Variants in KCNH1 observed in about 807,000 individuals in gnomAD.
KCNH1 encodes potassium voltage-gated channel subfamily H member 1.
Under a neutral mutation model 69.2 loss-of-function variants are expected in KCNH1, and 27 were observed. The observed-to-expected ratio is 0.39, with a 90% confidence interval of 0.29 to 0.54. The LOEUF is 0.54. Among genes scored for constraint, KCNH1 ranks in the 20% least tolerant of loss-of-function variants. KCNH1 has a pLI of 0.68. For synonymous variants in KCNH1, 456 were observed against 487.7 expected (o/e 0.93, Z 0.86); for missense variants, 798 against 1,261.6 (o/e 0.63, Z 5.57).
intron 10 of KCNH1, 93 bp from the exon 11 acceptor site, chr1:210,684,231 G>T: frequency 1.5e-6 from 2 of 1,329,630 alleles, no homozygotes; most frequent in Non-Finnish European, 2.0e-6. Context: ...TTGGCCCTCT[G>T]CTTCCAGTCC....
chr1:210,999,393 C>A (rs563368786), intron 6 of KCNH1, among the ~76,000 whole-genome samples: 171 of 152,280 alleles, frequency 1.1e-3, no homozygotes, highest in African/African-American at 4.0e-3. Flanking sequence ...CACCTCTACA[C>A]AAATAAACTA....
intron 5 of KCNH1, among the ~76,000 whole-genome samples, chr1:211,030,651 G>T (rs563763352): frequency 1.1e-4 from 16 of 151,184 alleles, no homozygotes; most frequent in Non-Finnish European, 2.1e-4. Flanking sequence ...AACTAAAAAA[G>T]TTTTTTTTAG....
intron 5 of KCNH1, among the ~76,000 whole-genome samples, chr1:211,020,751 G>A (rs948859147): frequency 1.3e-5 from 2 of 151,666 alleles, no homozygotes; most frequent in African/African-American, 4.8e-5. Flanking sequence ...CAAAACACTA[G>A]CAAACTGAAT....
chr1:210,726,807 CGGCGG>C (rs1682603555), intron 10 of KCNH1, among the ~76,000 whole-genome samples: 1 of 140,596 alleles, frequency 7.1e-6, no homozygotes, highest in African/African-American at 2.8e-5. Context: ...GACAGTTCCC[CGGCGG>C]GGGTGGGGTG....
rs377379545 is a variant in KCNH1, at chr1:210,890,299, T to A, written c.1462+29341A>T. On this transcript the variant is annotated intron_variant, in intron 7 of 10. Transcript: ENST00000271751. Reference sequence around the variant, plus strand: ...ACAAAAACAAGAAATGGGGAAAGGATTCCCTATTTAATAAATGGTGCTGGG... The same window carrying A: ...ACAAAAACAAGAAATGGGGAAAGGAATCCCTATTTAATAAATGGTGCTGGG... Among the ~76,000 whole-genome samples, 13 of 152,284 alleles carry A rather than the reference T, an allele frequency of 8.5e-5. No individual in the cohort carries two copies. The East Asian group carries it at 2.5e-3, about 29-fold the overall frequency.
At chr1:210,840,456 A>C (rs190023434) in intron 7 of KCNH1, among the ~76,000 whole-genome samples, 1 of 152,328 alleles carries the variant, frequency 6.6e-6, no homozygotes, top group Non-Finnish European at 1.5e-5. Context: ...GCTGCTTCGC[A>C]ACAGTTATTT....
At chr1:210,699,446 C>T (rs1681721644) in intron 10 of KCNH1, among the ~76,000 whole-genome samples, 1 of 152,250 alleles carries the variant, frequency 6.6e-6, no homozygotes, top group Admixed American at 6.5e-5. Flanking sequence ...GAGCCCCACT[C>T]TGCCGAGGAG....
intron 7 of KCNH1, among the ~76,000 whole-genome samples, chr1:210,834,539 TG>T: frequency 1.8e-5 from 1 of 54,978 alleles, no homozygotes; most frequent in East Asian, 6.9e-4. Context: ...TGTTGTGGGG[TG>T]GGGGGAGGGG....
chr1:210,791,755 C>A (rs1037660881), intron 9 of KCNH1, among the ~76,000 whole-genome samples: 1 of 152,068 alleles, frequency 6.6e-6, no homozygotes, highest in Non-Finnish European at 1.5e-5. Flanking sequence ...TTTATACCCC[C>A]AAAGAGATTA....
Position 210,684,014 on chromosome 1 carries a change from T to C in KCNH1, c.2237A>G (p.Gln746Arg), listed in dbSNP as rs1166040190. The change falls in exon 11 of 11, where the codon CAG becomes CGG. Residue 746 changes from glutamine (Q) to arginine (R), a missense_variant. Gln to Arg is a conservative substitution (Grantham distance 43). Coordinates refer to ENST00000271751, the MANE Select transcript of KCNH1 (RefSeq NM_172362.3). Reference protein sequence around the residue: ...PVRRLFQRFRQQKEARLAAER... With the variant: ...PVRRLFQRFRRQKEARLAAER... The stretch of plus-strand genomic sequence containing the variant: ...AGCTGCCAGCCTGGCCTCTTTCTGC[T>C]GTCGGAATCTCTGGAAGAGGCGCCG... 6.3e-7 allele frequency: 1 copy of C among 1,594,678 alleles called. No individual in the cohort carries two copies. The highest frequency in any genetic ancestry group is 1.1e-5 in the South Asian group (1 of 88,864).
rs549387024 is a variant in KCNH1, at chr1:210,950,653, A to G, written c.1033-30584T>C. The stretch of plus-strand genomic sequence containing the variant: ...TTTGGGTTGGTTCCAAGTCTTTGCT[A>G]TCAGTTTAGATTTCTTAAAGACAGG... On this transcript the variant is annotated intron_variant, in intron 6 of 10. Transcript: ENST00000271751. 3.3e-5 allele frequency among the ~76,000 whole-genome samples: 5 copies of G among 152,112 alleles called. No homozygotes were observed. In the South Asian group the frequency reaches 8.3e-4, roughly 25 times the overall value.
At chr1:211,109,618 G>A (rs1218112145) in intron 1 of KCNH1, among the ~76,000 whole-genome samples, 1 of 152,126 alleles carries the variant, frequency 6.6e-6, no homozygotes, top group Admixed American at 6.5e-5. Context: ...TATCTATGCG[G>A]AAAGAGGGAA....
chr1:210,766,274 C>G (rs544972893), intron 10 of KCNH1, among the ~76,000 whole-genome samples: 1 of 152,052 alleles, frequency 6.6e-6, no homozygotes, highest in Non-Finnish European at 1.5e-5. Context: ...GCCTGTAATC[C>G]CAGCACTTTG....
intron 6 of KCNH1, among the ~76,000 whole-genome samples, chr1:210,942,006 C>T (rs1687885271): frequency 6.6e-6 from 1 of 152,134 alleles, no homozygotes; most frequent in African/African-American, 2.4e-5. Flanking sequence ...AACTGAGAGA[C>T]ACAGAGCTCC....
chr1:210,732,530 C>T (rs780979325), intron 10 of KCNH1, among the ~76,000 whole-genome samples: 4 of 152,150 alleles, frequency 2.6e-5, no homozygotes, highest in Admixed American at 6.5e-5. Context: ...GAGGCTGTGT[C>T]GTCTATCTGC....
At chr1:210,881,819 T>C (rs1331599033) in intron 7 of KCNH1, among the ~76,000 whole-genome samples, 5 of 152,186 alleles carry the variant, frequency 3.3e-5, no homozygotes, top group African/African-American at 1.2e-4. Context: ...CATATGACAT[T>C]CTAGAAAAGG....
At chr1:210,727,860 C>T (rs1456266993) in intron 10 of KCNH1, among the ~76,000 whole-genome samples, 3 of 152,208 alleles carry the variant, frequency 2.0e-5, no homozygotes, top group African/African-American at 7.2e-5. Flanking sequence ...TCTCCTGTCT[C>T]TGCATTGTCT....
At chr1:210,932,116 C>T (rs1418350681) in intron 6 of KCNH1, among the ~76,000 whole-genome samples, 1 of 152,030 alleles carries the variant, frequency 6.6e-6, no homozygotes, top group African/African-American at 2.4e-5. Context: ...CACCCAGATC[C>T]AGGAAGTTTG....
chr1:210,849,554 C>T (rs770186111), intron 7 of KCNH1, among the ~76,000 whole-genome samples: 16 of 151,886 alleles, frequency 1.1e-4, no homozygotes, highest in East Asian at 1.9e-4. Context: ...TTACCAGAGA[C>T]GGGGTTTCTC....
Sources: allele counts gnomAD v4.1 joint callset (sites outside exome capture counted in the v4.1 genomes callset), GRCh38; gene constraint gnomAD v4.1.1; transcripts MANE v1.5; gene names NCBI Gene and HGNC (gene_info 2026-07-23, HGNC 2026-07-21).